The following TAS2R1 variants were observed in gnomAD, a reference collection of about 807,000 sequenced individuals.
TAS2R1 encodes taste receptor type 2 member 1.
For synonymous variants in TAS2R1, 141 were observed against 134.2 expected, an observed-to-expected ratio of 1.05 and a Z score of -0.35; for missense variants, 370 against 353.4, an observed-to-expected ratio of 1.05 and a Z score of -0.38.
At chr5:9,867,979 T>C in the TAS2R1 span, among the ~76,000 whole-genome samples, 1 of 152,212 alleles carries the variant, frequency 6.6e-6, no homozygotes, top group Non-Finnish European at 1.5e-5. Context: ...TTTGACTCCA[T>C]GTCTCACATC....
At chr5:9,736,925 C>A in the TAS2R1 span, among the ~76,000 whole-genome samples, 1 of 152,156 alleles carries the variant, frequency 6.6e-6, no homozygotes, top group South Asian at 2.1e-4. Context: ...GAAATGCCCC[C>A]ACCCTTTCTC....
the TAS2R1 span, among the ~76,000 whole-genome samples, chr5:9,889,451 A>C: frequency 5.9e-5 from 9 of 152,064 alleles, no homozygotes; most frequent in Non-Finnish European, 1.2e-4. Flanking sequence ...GGCTAAAAAT[A>C]CCTTTTGGGC....
chr5:9,806,743 T>C, the TAS2R1 span, among the ~76,000 whole-genome samples: 8 of 152,174 alleles, frequency 5.3e-5, no homozygotes, highest in South Asian at 1.7e-3. Flanking sequence ...TATACAAAAA[T>C]CAACTCAAGA....
intron 1 of TAS2R1, among the ~76,000 whole-genome samples, chr5:9,699,414 G>A (rs1351530168): frequency 1.3e-5 from 2 of 152,148 alleles, no homozygotes; most frequent in African/African-American, 4.8e-5. Flanking sequence ...TTCTTCTGAG[G>A]ATGATTTATA....
At chr5:9,655,032 A>C (rs1267259789) in intron 2 of TAS2R1, among the ~76,000 whole-genome samples, 2 of 152,350 alleles carry the variant, frequency 1.3e-5, no homozygotes, top group Non-Finnish European at 2.9e-5. Context: ...TGCATTAGGA[A>C]GAAGGCCAGA....
chr5:9,860,914 C>A, the TAS2R1 span, among the ~76,000 whole-genome samples: 1 of 151,614 alleles, frequency 6.6e-6, no homozygotes. Context: ...ATCTAAGCAG[C>A]AGCCCCTCAA....
chr5:9,820,937 A>G, the TAS2R1 span, among the ~76,000 whole-genome samples: 4 of 152,290 alleles, frequency 2.6e-5, no homozygotes, highest in South Asian at 8.3e-4. Context: ...TCATCAGCCT[A>G]TATCCACATG....
the TAS2R1 span, among the ~76,000 whole-genome samples, chr5:9,788,400 G>T: frequency 1.3e-5 from 2 of 152,146 alleles, no homozygotes; most frequent in Non-Finnish European, 2.9e-5. Flanking sequence ...CATTGCTTCT[G>T]CTGTGCATGG....
the TAS2R1 span, among the ~76,000 whole-genome samples, chr5:9,719,104 G>C: frequency 6.6e-6 from 1 of 152,182 alleles, no homozygotes; most frequent in African/African-American, 2.4e-5. Context: ...TAAATCAATA[G>C]TGTAACATCA....
the TAS2R1 span, among the ~76,000 whole-genome samples, chr5:9,796,525 G>A: frequency 6.6e-6 from 1 of 152,004 alleles, no homozygotes; most frequent in Non-Finnish European, 1.5e-5. Flanking sequence ...TGCATCCTGG[G>A]AAACCTCTCA....
the TAS2R1 span, among the ~76,000 whole-genome samples, chr5:9,827,581 CCCGGGTGTGGTG>C: frequency 3.5e-5 from 5 of 142,366 alleles, no homozygotes; most frequent in East Asian, 1.1e-3. Flanking sequence ...TACACACACA[CCCGGGTGTGGTG>C]GCATGCACAC....
the TAS2R1 span, among the ~76,000 whole-genome samples, chr5:9,876,226 C>T: frequency 2.8e-5 from 4 of 145,212 alleles, no homozygotes; most frequent in South Asian, 2.2e-4. Flanking sequence ...GAGGAAAGGA[C>T]GACAAACCAA....
chr5:9,762,145 T>A, the TAS2R1 span, among the ~76,000 whole-genome samples: 2 of 152,172 alleles, frequency 1.3e-5, no homozygotes, highest in Non-Finnish European at 2.9e-5. Flanking sequence ...TAAAAGAATA[T>A]GCTGTCTAAA....
chr5:9,807,396 C>G, the TAS2R1 span, among the ~76,000 whole-genome samples: 3 of 152,276 alleles, frequency 2.0e-5, no homozygotes, highest in Non-Finnish European at 2.9e-5. Flanking sequence ...ATTCCCACTA[C>G]TAGGTATCTA....
At chr5:9,665,050 A>C (rs1740605208) in intron 1 of TAS2R1, among the ~76,000 whole-genome samples, 1 of 152,240 alleles carries the variant, frequency 6.6e-6, no homozygotes. Context: ...AACACAGAAC[A>C]GATGGATTCT....
chr5:9,672,783 C>T (rs1403662384), intron 1 of TAS2R1, among the ~76,000 whole-genome samples: 1 of 152,082 alleles, frequency 6.6e-6, no homozygotes, highest in African/African-American at 2.4e-5. Flanking sequence ...ACCTGGCAAT[C>T]CCATTATTGG....
chr5:9,729,888 C>A, the TAS2R1 span, among the ~76,000 whole-genome samples: 1 of 152,240 alleles, frequency 6.6e-6, no homozygotes, highest in South Asian at 2.1e-4. Context: ...TTTTTTCTCA[C>A]TTTTCAGAGT....
chr5:9,647,752 A>C (rs368761632), intron 2 of TAS2R1, among the ~76,000 whole-genome samples: 73 of 152,300 alleles, frequency 4.8e-4, no homozygotes, highest in African/African-American at 1.6e-3. Context: ...GATTCATTTT[A>C]TGAAATATTC....
chr5:9,864,957 C>T, the TAS2R1 span, among the ~76,000 whole-genome samples: 1 of 152,160 alleles, frequency 6.6e-6, no homozygotes, highest in Admixed American at 6.5e-5. Context: ...GGTGGTGACT[C>T]AGCAAGCTGG....
Sources: allele counts gnomAD v4.1 joint callset (sites outside exome capture counted in the v4.1 genomes callset), GRCh38; gene constraint gnomAD v4.1.1; transcripts MANE v1.5; gene names NCBI Gene and HGNC (gene_info 2026-07-23, HGNC 2026-07-21).